SCUBE3: variants seen among roughly 807,000 people sequenced by gnomAD.
SCUBE3 encodes signal peptide, CUB and EGF-like domain-containing protein 3.
A neutral mutation model predicts 116.8 loss-of-function variants in SCUBE3; 33 were observed. That is an observed-to-expected ratio of 0.28 (90% CI 0.21 to 0.38). SCUBE3 has a LOEUF of 0.38. SCUBE3 is among the 10% of genes least tolerant of loss of function. The pLI is 1.00. For synonymous variants in SCUBE3, 418 were observed against 496.9 expected, an observed-to-expected ratio of 0.84 and a Z score of 2.11; for missense variants, 1,007 against 1,324.8, an observed-to-expected ratio of 0.76 and a Z score of 3.72.
At position 35,233,462 on chromosome 6, in the gene SCUBE3, A is replaced by G. The variant is rs1051486249; in HGVS notation, c.712+161A>G. Among the ~76,000 whole-genome samples, 10 of 152,126 alleles carry G rather than the reference A, an allele frequency of 6.6e-5. No individual in the cohort carries two copies. The highest frequency in any genetic ancestry group is 2.4e-4 in the African/African-American group (10 of 41,422). On this transcript the variant is annotated intron_variant, in intron 6 of 21. Transcript: ENST00000274938. The surrounding 1 kb of genome is among the most constrained non-coding windows in gnomAD (Gnocchi z 5.7). ...GAAAATGCCAGGTCTAGTAAGGGAC[A>G]ACTCAAAGAGAGACTGAAGGGCTCC...
In SCUBE3 at chr6:35,243,706, G is replaced by A. The variant is rs140493888; in HGVS notation, c.2022G>A (p.Gly674=). The A allele has an allele frequency of 1.1e-5, 17 of 1,614,070 alleles. No homozygotes were observed. In the African/African-American group the frequency reaches 2.1e-4, roughly 20 times the overall value. Reference sequence around the variant, plus strand: ...AGCTCTCCTGCGACCTTTGCCCTGGGAGTGATGCCCACGGGCCTCTTGGAG... The same window carrying A: ...AGCTCTCCTGCGACCTTTGCCCTGGAAGTGATGCCCACGGGCCTCTTGGAG... ...EGQLSCDLCP[G]SDAHGPLGAT... The change falls in exon 16 of 22, where the codon GGG becomes GGA. Residue 674 remains glycine, a synonymous_variant. Transcript: ENST00000274938. The surrounding 1 kb of genome is among the most constrained non-coding windows in gnomAD (Gnocchi z 6.6).
At position 35,241,679 on chromosome 6, in the gene SCUBE3, T is replaced by C. The variant is rs1784060519; in HGVS notation, c.1312+20T>C. 2 of 1,557,438 alleles carry C rather than the reference T, an allele frequency of 1.3e-6. No individual in the cohort carries two copies. The highest frequency in any genetic ancestry group is 2.2e-5 in the South Asian group (2 of 89,942). On this transcript the variant is annotated intron_variant, in intron 11 of 21. Coordinates refer to ENST00000274938, the MANE Select transcript of SCUBE3 (RefSeq NM_152753.4). The surrounding 1 kb of genome is among the most constrained non-coding windows in gnomAD (Gnocchi z 4.1). ...TGCCAGGTACATGGGAGGAGGGTGCTGGAGAGCTTTGGAGGAGAAAAGAGG... is the reference window on the plus strand; with the variant it reads ...TGCCAGGTACATGGGAGGAGGGTGCCGGAGAGCTTTGGAGGAGAAAAGAGG...
Position 35,239,575 on chromosome 6 carries a change from G to A in SCUBE3, c.830-177G>A, listed in dbSNP as rs73407672. On this transcript the variant is annotated intron_variant, in intron 7 of 21. Coordinates refer to ENST00000274938, the MANE Select transcript of SCUBE3 (RefSeq NM_152753.4). The surrounding 1 kb of genome is among the most constrained non-coding windows in gnomAD (Gnocchi z 4.1). Reference sequence around the variant, plus strand: ...CCTGAACAGGGAAGAAACAGAGACAGGAAAGAGAGAGAGAGACAGGAAAGA... The same window carrying A: ...CCTGAACAGGGAAGAAACAGAGACAAGAAAGAGAGAGAGAGACAGGAAAGA... Among the ~76,000 whole-genome samples, 953 of 152,244 alleles carry A rather than the reference G, an allele frequency of 6.3e-3. 7 individuals carry two copies. Among genetic ancestry groups the A allele is most frequent in the African/African-American group, 0.021 (863 of 41,502 alleles).
chr6:35,231,667 G>A lies in SCUBE3; in HGVS notation c.335-58G>A. The A allele has an allele frequency of 6.7e-7, 1 of 1,495,950 alleles. No individual in the cohort carries two copies. The highest frequency in any genetic ancestry group is 1.4e-5 in the African/African-American group (1 of 72,878). 92.7% of individuals were successfully genotyped at this position (1,495,950 alleles called of 1,614,324 possible). A position where few individuals can be genotyped will look rare whatever the true frequency, so the allele number is the denominator to read the frequency against. ...ACTGCCTTTGGTGCTGAAGTCTTGG[G>A]ATATACCCTGGACCCTGCCTGTACC... is the stretch of plus-strand genomic sequence containing the variant. On this transcript the variant is annotated intron_variant, in intron 3 of 21. Transcript: ENST00000274938. The surrounding 1 kb of genome is among the most constrained non-coding windows in gnomAD (Gnocchi z 4.2).
At position 35,252,410 on chromosome 6, in the gene SCUBE3, G is replaced by A. The variant is rs971783778; in HGVS notation, c.*3705G>A. Reference sequence around the variant, plus strand: ...CCTAGAGAAACTTTTTATATGAGAAGTGTTCTCTATATACATGTTTGAGGT... The same window carrying A: ...CCTAGAGAAACTTTTTATATGAGAAATGTTCTCTATATACATGTTTGAGGT... On this transcript the variant is annotated 3_prime_UTR_variant, in exon 22 of 22. Coordinates refer to ENST00000274938, the MANE Select transcript of SCUBE3 (RefSeq NM_152753.4). The A allele has an allele frequency of 1.3e-5, 2 of 152,164 alleles. No homozygotes were observed. The highest frequency in any genetic ancestry group is 2.9e-5 in the Non-Finnish European group (2 of 68,038). The allele number at this position is 152,164 out of a possible 1,614,324, so 9.4% of individuals were successfully genotyped here. A position where few individuals can be genotyped will look rare whatever the true frequency, so the allele number is the denominator to read the frequency against.
Sources: allele counts gnomAD v4.1 joint callset (sites outside exome capture counted in the v4.1 genomes callset), GRCh38; gene constraint gnomAD v4.1.1; non-coding constraint Gnocchi (gnomAD v3.1); transcripts MANE v1.5; gene names NCBI Gene and HGNC (gene_info 2026-07-23, HGNC 2026-07-21).